The following PDS5A variants were observed in gnomAD, a reference collection of about 807,000 sequenced individuals.
PDS5A encodes the protein sister chromatid cohesion protein PDS5 homolog A.
PDS5A carries 42 observed loss-of-function variants against 167.1 expected under a neutral mutation model. That is an observed-to-expected ratio of 0.25 (90% CI 0.20 to 0.33). PDS5A has a LOEUF of 0.33. Among genes scored for constraint, PDS5A ranks in the 10% least tolerant of loss-of-function variants. The pLI is 1.00. For synonymous variants in PDS5A, 553 were observed against 554.6 expected, an observed-to-expected ratio of 1.00 and a Z score of 0.04; for missense variants, 1,033 against 1,605.9, an observed-to-expected ratio of 0.64 and a Z score of 6.10.
At chr4:39,936,429 A>G (rs535508192) in intron 2 of PDS5A, among the ~76,000 whole-genome samples, 1 of 145,832 alleles carries the variant, frequency 6.9e-6, no homozygotes, top group East Asian at 2.2e-4. Context: ...TGAAAGCACT[A>G]TATTTATTAT....
intron 16 of PDS5A, among the ~76,000 whole-genome samples, chr4:39,892,073 C>T (rs1473387073): frequency 6.6e-6 from 1 of 152,110 alleles, no homozygotes; most frequent in Non-Finnish European, 1.5e-5. Context: ...TGAGATTGCA[C>T]AGCTGCACAG....
At chr4:39,899,224 T>C (rs1722669523) in intron 14 of PDS5A, among the ~76,000 whole-genome samples, 1 of 152,194 alleles carries the variant, frequency 6.6e-6, no homozygotes. Context: ...AACTTTTTTT[T>C]CTGCAATAGA....
At chr4:39,886,736 A>T (rs1306147792) in intron 17 of PDS5A, among the ~76,000 whole-genome samples, 1 of 151,830 alleles carries the variant, frequency 6.6e-6, no homozygotes, top group African/African-American at 2.4e-5. Flanking sequence ...ATTTTTTTTT[A>T]ATTTTTCCAT....
chr4:39,865,068 C>A (rs891665393), intron 23 of PDS5A, among the ~76,000 whole-genome samples: 3 of 151,948 alleles, frequency 2.0e-5, no homozygotes, highest in African/African-American at 7.2e-5. Flanking sequence ...CTAATTTATA[C>A]TCATAGGAGT....
intron 28 of PDS5A, chr4:39,847,899 G>C (rs181709803): frequency 2.0e-5 from 3 of 152,362 alleles, no homozygotes; most frequent in Admixed American, 2.0e-4. Flanking sequence ...GGGATACACA[G>C]CAGGCAGTGA....
At chr4:39,864,907 C>T (rs1235258017) in intron 23 of PDS5A, among the ~76,000 whole-genome samples, 1 of 152,158 alleles carries the variant, frequency 6.6e-6, no homozygotes, top group African/African-American at 2.4e-5. Flanking sequence ...AACCATTCCC[C>T]TATTTTTTGT....
chr4:39,939,623 T>A (rs1727029255), intron 2 of PDS5A, among the ~76,000 whole-genome samples: 1 of 151,926 alleles, frequency 6.6e-6, no homozygotes, highest in Non-Finnish European at 1.5e-5. Context: ...CTGAAACCCC[T>A]TCTCTACTAA....
At chr4:39,850,775 T>C (rs1361026549) in intron 26 of PDS5A, among the ~76,000 whole-genome samples, 1 of 152,244 alleles carries the variant, frequency 6.6e-6, no homozygotes, top group African/African-American at 2.4e-5. Context: ...AGGGAACATT[T>C]GAATTTCTAA....
At chr4:39,829,884 G>C (rs945657789) in intron 32 of PDS5A, among the ~76,000 whole-genome samples, 12 of 139,360 alleles carry the variant, frequency 8.6e-5, no homozygotes, top group African/African-American at 3.0e-4. Context: ...CCAGGAGGTG[G>C]AGCTTGCAAA....
chr4:39,935,150 G>C (rs562325914), intron 2 of PDS5A, among the ~76,000 whole-genome samples: 1 of 152,148 alleles, frequency 6.6e-6, no homozygotes, highest in Non-Finnish European at 1.5e-5. Flanking sequence ...TTGACTGATT[G>C]GGACGGAGTC....
At chr4:39,904,262 GC>G (rs1247975217) in intron 11 of PDS5A, 71 bp from the exon 12 acceptor site, 31 of 1,070,304 alleles carry the variant, frequency 2.9e-5, no homozygotes, top group Admixed American at 1.2e-4. Flanking sequence ...GACTGCCTTG[GC>G]TTCATTAGGT....
intron 2 of PDS5A, among the ~76,000 whole-genome samples, chr4:39,969,752 GTAT>G (rs1730325368): frequency 6.6e-6 from 1 of 151,818 alleles, no homozygotes; most frequent in Non-Finnish European, 1.5e-5. Flanking sequence ...CTCTAATTCA[GTAT>G]TAATACAAAA....
chr4:39,962,833 A>G (rs1729619323), intron 2 of PDS5A, among the ~76,000 whole-genome samples: 1 of 152,072 alleles, frequency 6.6e-6, no homozygotes, highest in East Asian at 1.9e-4. Flanking sequence ...GTCGTGGCAC[A>G]TGCCTGTAGT....
intron 32 of PDS5A, among the ~76,000 whole-genome samples, chr4:39,829,950 C>CAAAAAAAAAAAAAAAAAA (rs1158287221): frequency 4.5e-5 from 3 of 67,304 alleles, no homozygotes; most frequent in African/African-American, 1.7e-4. Flanking sequence ...GACTCCAACT[C>CAAAAAAAAAAAAAAAAAA]AAAAAAAAAA....
intron 31 of PDS5A, among the ~76,000 whole-genome samples, chr4:39,840,208 C>CA: frequency 6.6e-6 from 1 of 152,134 alleles, no homozygotes; most frequent in Non-Finnish European, 1.5e-5. Flanking sequence ...AGCCAAGAGG[C>CA]AAAAGTCAGA....
intron 26 of PDS5A, among the ~76,000 whole-genome samples, chr4:39,854,734 T>G (rs1718396726): frequency 6.6e-6 from 1 of 152,200 alleles, no homozygotes. Context: ...ATATATGATA[T>G]TCATATTACA....
intron 2 of PDS5A, among the ~76,000 whole-genome samples, chr4:39,946,154 C>T (rs1727738519): frequency 6.8e-6 from 1 of 147,256 alleles, no homozygotes; most frequent in African/African-American, 2.5e-5. Context: ...TTACAGTGAG[C>T]TGAGATCACA....
chr4:39,826,503 T>TTATTTATTTATTTATA, intron 32 of PDS5A, among the ~76,000 whole-genome samples: 1 of 151,574 alleles, frequency 6.6e-6, no homozygotes, highest in Non-Finnish European at 1.5e-5. Flanking sequence ...ATTTATTTAT[T>TTATTTATTTATTTATA]TGAGATGGAG....
At chr4:39,908,352 T>A in intron 11 of PDS5A, 43 bp downstream of exon 11, 1 of 1,491,634 alleles carries the variant, frequency 6.7e-7, no homozygotes, top group East Asian at 2.3e-5. Flanking sequence ...ATTTAGCAAT[T>A]TAAACAGTAA....
Sources: gnomAD v4.1 joint callset for allele counts (sites outside exome capture counted in the v4.1 genomes callset) on GRCh38, gnomAD v4.1.1 for gene constraint, MANE v1.5 for transcripts, NCBI Gene and HGNC (gene_info 2026-07-23, HGNC 2026-07-21) for gene names.